The following FSTL5 variants were observed in gnomAD, a reference collection of about 807,000 sequenced individuals.
FSTL5 encodes follistatin like 5.
Under a neutral mutation model 89.1 loss-of-function variants are expected in FSTL5, and 62 were observed. The observed-to-expected ratio is 0.70, with a 90% confidence interval of 0.57 to 0.86. FSTL5 has a LOEUF of 0.86. Among genes scored for constraint, FSTL5 ranks in the 40% least tolerant of loss-of-function variants. The pLI is 0.00. For missense variants in FSTL5, 1,057 were observed against 1,001.6 expected (o/e 1.06, Z -0.75); for synonymous variants, 383 against 346.2 (o/e 1.11, Z -1.18).
chr4:162,136,255 G>C (rs1407098671), intron 1 of FSTL5, among the ~76,000 whole-genome samples: 1 of 152,170 alleles, frequency 6.6e-6, no homozygotes, highest in South Asian at 2.1e-4. Flanking sequence ...ACATCTTGCT[G>C]TGAGATCTTT....
intron 1 of FSTL5, among the ~76,000 whole-genome samples, chr4:162,146,662 T>TCCCTTCCCTTCC (rs1366030029): frequency 0.027 from 214 of 7,828 alleles, no homozygotes; most frequent in African/African-American, 0.084. Flanking sequence ...TTACCTAATG[T>TCCCTTCCCTTCC]CCCTTCCCTT....
chr4:161,791,374 A>G (rs1206705215), intron 4 of FSTL5, among the ~76,000 whole-genome samples: 1 of 148,882 alleles, frequency 6.7e-6, no homozygotes, highest in Non-Finnish European at 1.5e-5. Context: ...GACAATTAGT[A>G]ATTTCAAGTA....
intron 2 of FSTL5, 57 bp downstream of exon 2, chr4:162,111,213 TA>T: frequency 2.9e-6 from 4 of 1,394,774 alleles, no homozygotes; most frequent in Non-Finnish European, 3.9e-6. Context: ...ACCAGAAAAC[TA>T]ATAGCTTAGT....
At chr4:161,580,041 C>G (rs2126598041) in intron 8 of FSTL5, among the ~76,000 whole-genome samples, 1 of 152,218 alleles carries the variant, frequency 6.6e-6, no homozygotes, top group East Asian at 1.9e-4. Context: ...TTAATCTCTT[C>G]AGTTTTATTT....
chr4:162,112,159 G>C (rs1008840588), intron 1 of FSTL5, among the ~76,000 whole-genome samples: 2 of 151,874 alleles, frequency 1.3e-5, no homozygotes, highest in African/African-American at 4.8e-5. Context: ...TATCACTTTC[G>C]CCAACACACC....
chr4:162,033,756 G>T, intron 2 of FSTL5, 98 bp from the exon 3 acceptor site: 1 of 640,692 alleles, frequency 1.6e-6, no homozygotes, highest in Non-Finnish European at 2.6e-6. Context: ...AATGATTTTT[G>T]TACATATTCC....
intron 7 of FSTL5, among the ~76,000 whole-genome samples, chr4:161,631,068 A>AT (rs1285641495): frequency 6.6e-6 from 1 of 152,174 alleles, no homozygotes; most frequent in Non-Finnish European, 1.5e-5. Context: ...TGTACCTGGC[A>AT]TTTTTTTGTA....
intron 4 of FSTL5, among the ~76,000 whole-genome samples, chr4:161,779,745 G>T (rs1741551246): frequency 1.3e-4 from 1 of 7,590 alleles, no homozygotes; most frequent in Admixed American, 1.9e-3. Context: ...TTTGTCCAAG[G>T]ATTATTTGTA....
intron 6 of FSTL5, among the ~76,000 whole-genome samples, chr4:161,725,011 A>G (rs1324616185): frequency 2.6e-5 from 4 of 152,116 alleles, no homozygotes; most frequent in East Asian, 3.9e-4. Context: ...CCTGGCCAAC[A>G]TGGTGAAACT....
intron 5 of FSTL5, 67 bp from the exon 6 acceptor site, chr4:161,759,598 A>T: frequency 9.9e-7 from 1 of 1,005,148 alleles, no homozygotes; most frequent in Non-Finnish European, 1.4e-6. Flanking sequence ...ATAATTTATT[A>T]TATGTAATAA....
intron 13 of FSTL5, 142 bp from the exon 14 acceptor site, chr4:161,459,461 A>C: frequency 1.9e-6 from 1 of 533,410 alleles, no homozygotes; most frequent in Non-Finnish European, 3.3e-6. Context: ...CCCTTATTTG[A>C]TATTTGAAAA....
At chr4:161,764,327 C>T (rs552387590) in intron 5 of FSTL5, among the ~76,000 whole-genome samples, 1 of 152,196 alleles carries the variant, frequency 6.6e-6, no homozygotes, top group South Asian at 2.1e-4. Context: ...GGTGCGATCT[C>T]GGCTCACTGC....
chr4:161,829,885 G>C (rs67988099), intron 4 of FSTL5, among the ~76,000 whole-genome samples: 1 of 151,922 alleles, frequency 6.6e-6, no homozygotes, highest in Non-Finnish European at 1.5e-5. Flanking sequence ...TCAATGACAA[G>C]GAACAAACAC....
At chr4:161,484,614 G>A in intron 12 of FSTL5, among the ~76,000 whole-genome samples, 1 of 152,084 alleles carries the variant, frequency 6.6e-6, no homozygotes, top group South Asian at 2.1e-4. Flanking sequence ...AACTAACCAT[G>A]CTTCACATTG....
intron 8 of FSTL5, among the ~76,000 whole-genome samples, chr4:161,573,107 C>G (rs1733077179): frequency 1.3e-5 from 2 of 152,074 alleles, no homozygotes; most frequent in African/African-American, 4.8e-5. Context: ...CTAATGCTGC[C>G]TTAAGAAATA....
Position 162,111,418 on chromosome 4 carries a change from A to G in FSTL5, c.-16-6T>C. 6.3e-7 allele frequency: 1 copy of G among 1,583,744 alleles called. No individual in the cohort carries two copies. The highest frequency in any genetic ancestry group is 8.6e-7 in the Non-Finnish European group (1 of 1,161,062). ...ACATCCTTATTGCTTTTCACCTGTC[A>G]AAATTAAAATTGCAAGGAATCAGAG... is the stretch of plus-strand genomic sequence containing the variant. On this transcript the variant is annotated splice_polypyrimidine_tract_variant and splice_region_variant and intron_variant, in intron 1 of 15. Coordinates refer to ENST00000306100, the MANE Select transcript of FSTL5 (RefSeq NM_020116.5).
At chr4:161,932,005 G>A (rs1379844816) in intron 3 of FSTL5, among the ~76,000 whole-genome samples, 2 of 151,942 alleles carry the variant, frequency 1.3e-5, no homozygotes, top group African/African-American at 2.4e-5. Context: ...TGATGGTAGA[G>A]AAGTAAGGTT....
chr4:162,146,414 C>T (rs556032191), intron 1 of FSTL5, among the ~76,000 whole-genome samples: 1 of 151,888 alleles, frequency 6.6e-6, no homozygotes, highest in South Asian at 2.1e-4. Context: ...CTAAAAGAAC[C>T]TTTTTATAAC....
chr4:161,998,033 A>G (rs1736353448), intron 3 of FSTL5, among the ~76,000 whole-genome samples: 1 of 152,192 alleles, frequency 6.6e-6, no homozygotes, highest in African/African-American at 2.4e-5. Flanking sequence ...AGTTAGGAGA[A>G]TACAAGAAAT....
Sources: gnomAD v4.1 joint callset for allele counts (sites outside exome capture counted in the v4.1 genomes callset) on GRCh38, gnomAD v4.1.1 for gene constraint, MANE v1.5 for transcripts, NCBI Gene and HGNC (gene_info 2026-07-23, HGNC 2026-07-21) for gene names.